Variants in ADAMTS2 observed in about 807,000 individuals in gnomAD.
ADAMTS2 encodes ADAM metallopeptidase with thrombospondin type 1 motif 2.
ADAMTS2 carries 50 observed loss-of-function variants against 123.0 expected under a neutral mutation model. That is an observed-to-expected ratio of 0.41 (90% CI 0.32 to 0.51). ADAMTS2 has a LOEUF of 0.51. Ranked by LOEUF, ADAMTS2 falls within the 20% of genes least tolerant of loss-of-function variation. The probability of loss-of-function intolerance (pLI) is 0.35; values close to 1 mark genes in which losing one functional copy is unlikely to be tolerated. For synonymous variants in ADAMTS2, 678 were observed against 695.4 expected (o/e 0.98, Z 0.39); for missense variants, 1,494 against 1,705.2 (o/e 0.88, Z 2.18).
intron 4 of ADAMTS2, among the ~76,000 whole-genome samples, chr5:179,203,203 C>A (rs922672306): frequency 5.9e-5 from 9 of 152,224 alleles, no homozygotes; most frequent in African/African-American, 2.2e-4. Flanking sequence ...AGGGCCCCCA[C>A]CAGCTCCTCC....
intron 17 of ADAMTS2, among the ~76,000 whole-genome samples, chr5:179,127,185 G>A (rs1762875151): frequency 6.6e-6 from 1 of 152,186 alleles, no homozygotes; most frequent in African/African-American, 2.4e-5. Flanking sequence ...GAATGGCCAG[G>A]AAGATGGGAA....
Position 179,241,452 on chromosome 5 carries a change from G to A in ADAMTS2, c.688+31459C>T, listed in dbSNP as rs532054272. ...GCTTCCACGTCCAGCAAAACGAGGC[G>A]AGTTCGGGTTGTTATTCTGCTCTTT... On this transcript the variant is annotated intron_variant, in intron 3 of 21. Transcript: ENST00000251582. Among the ~76,000 whole-genome samples, 177 of 152,310 alleles carry A rather than the reference G, an allele frequency of 1.2e-3. 3 individuals are homozygous for A. The highest frequency in any genetic ancestry group is 3.4e-3 in the Middle Eastern group (1 of 294).
chr5:179,231,010 CA>C (rs1293077149), intron 3 of ADAMTS2, among the ~76,000 whole-genome samples: 68 of 136,288 alleles, frequency 5.0e-4, no homozygotes, highest in South Asian at 8.1e-4. Flanking sequence ...AACTCAGTCT[CA>C]AAAAAAAAAA....
At chr5:179,284,855 C>G (rs1362519567) in intron 2 of ADAMTS2, among the ~76,000 whole-genome samples, 1 of 152,214 alleles carries the variant, frequency 6.6e-6, no homozygotes, top group East Asian at 1.9e-4. Context: ...GCAGCATGAC[C>G]TCCTTACGTA....
chr5:179,276,083 C>A (rs74472167), intron 2 of ADAMTS2, among the ~76,000 whole-genome samples: 22 of 152,212 alleles, frequency 1.4e-4, no homozygotes, highest in African/African-American at 4.6e-4. Context: ...GCAGGCCCCA[C>A]GCTTCTGACT....
chr5:179,137,813 T>C lies in ADAMTS2; in HGVS notation c.1907A>G (p.His636Arg). 8 of 1,580,338 alleles carry C rather than the reference T, an allele frequency of 5.1e-6. No homozygotes were observed. The highest frequency in any genetic ancestry group is 6.9e-6 in the Non-Finnish European group (8 of 1,165,072). Residue 636 changes from histidine (H) to arginine (R), a missense_variant, in exon 12 of 22, where the codon CAC becomes CGC. His to Arg is a conservative substitution (Grantham distance 29, BLOSUM62 0). Transcript: ENST00000251582. The part of the protein sequence containing the change: ...QCRQWDLYFE[H>R]GDAQHHWLPH... ...CAGCCAGTGGTGCTGGGCGTCGCCG[T>C]GCTCGAAGTACAGGTCCCACTGGCG... is the stretch of plus-strand genomic sequence containing the variant.
At chr5:179,265,138 A>G (rs1588254) in intron 3 of ADAMTS2, among the ~76,000 whole-genome samples, 27,267 of 152,176 alleles carry the variant, frequency 0.18, 3,038 homozygotes, top group East Asian at 0.37. Flanking sequence ...GCTCCTCAGA[A>G]CCACTGGCCG....
intron 2 of ADAMTS2, among the ~76,000 whole-genome samples, chr5:179,306,222 A>G (rs1756668646): frequency 6.6e-6 from 1 of 152,138 alleles, no homozygotes; most frequent in Admixed American, 6.5e-5. Context: ...CCTCAGCAAA[A>G]CACTGGCAAG....
At position 179,180,447 on chromosome 5, in the gene ADAMTS2, TC is replaced by T. The variant is rs2113310554; in HGVS notation, c.975+624del. 6.6e-6 allele frequency among the ~76,000 whole-genome samples: 1 copy of T among 152,298 alleles called. No individual in the cohort carries two copies. Among genetic ancestry groups the T allele is most frequent in the Non-Finnish European group, 1.5e-5 (1 of 68,024 alleles). ...ACCACGTGTTTCTGATGCTTTGACA[TC>T]CGAGCCTTGCTGACTCTGGAGGGAC... On this transcript the variant is annotated intron_variant, in intron 5 of 21. Coordinates refer to ENST00000251582, the MANE Select transcript of ADAMTS2 (RefSeq NM_014244.5). This position sits in a 1 kb window ranked among gnomAD's most constrained non-coding sequence, Gnocchi z 4.6.
At position 179,290,504 on chromosome 5, in the gene ADAMTS2, C is replaced by T. The variant is rs138784718; in HGVS notation, c.535-17440G>A. On this transcript the variant is annotated intron_variant, in intron 2 of 21. Coordinates refer to ENST00000251582, the MANE Select transcript of ADAMTS2 (RefSeq NM_014244.5). The stretch of plus-strand genomic sequence containing the variant: ...AAAACTAAGACACTAAGTACCAACG[C>T]TTAGTATCAACCTACAAAGTTCCTG... Among the ~76,000 whole-genome samples, 214 of 152,310 alleles carry T rather than the reference C, an allele frequency of 1.4e-3. 1 individual carries two copies. Among genetic ancestry groups the T allele is most frequent in the African/African-American group, 4.7e-3 (194 of 41,550 alleles).
intron 10 of ADAMTS2, among the ~76,000 whole-genome samples, chr5:179,141,922 AG>A (rs1182953752): frequency 1.3e-5 from 2 of 152,056 alleles, no homozygotes; most frequent in African/African-American, 4.8e-5. Context: ...GATTGCTTAT[AG>A]GGTAGAGGTT....
chr5:179,309,488 TGGG>T (rs1428334119), intron 2 of ADAMTS2, among the ~76,000 whole-genome samples: 1 of 152,030 alleles, frequency 6.6e-6, no homozygotes, highest in East Asian at 1.9e-4. Flanking sequence ...TGCAGAAAGC[TGGG>T]GCTGACTGTA....
chr5:179,173,408 C>T (rs893047468), intron 5 of ADAMTS2, among the ~76,000 whole-genome samples: 6 of 152,044 alleles, frequency 3.9e-5, no homozygotes, highest in Admixed American at 6.5e-5. Flanking sequence ...TGAGATCATA[C>T]GGAAAACTGA....
At chr5:179,140,145 G>A in intron 10 of ADAMTS2, 110 bp from the exon 11 acceptor site, 1 of 1,528,166 alleles carries the variant, frequency 6.5e-7, no homozygotes, top group South Asian at 1.1e-5. Context: ...CCACTCTGGG[G>A]CACAGGGGGA....
intron 2 of ADAMTS2, among the ~76,000 whole-genome samples, chr5:179,295,585 G>C (rs1361274366): frequency 6.6e-6 from 1 of 152,164 alleles, no homozygotes; most frequent in Non-Finnish European, 1.5e-5. Flanking sequence ...CCATCTCTAG[G>C]GTTTGGGATG....
rs529923576 is a variant in ADAMTS2, at chr5:179,238,448, G to A, written c.689-30733C>T. On this transcript the variant is annotated intron_variant, in intron 3 of 21. Transcript: ENST00000251582. ...TATGCCGGAGGGCAGTGAGTGCTGC[G>A]GGAAGGGGCTGGAGGGCACAGGGTC... Among the ~76,000 whole-genome samples the A allele has an allele frequency of 1.2e-4, 18 of 152,254 alleles. No homozygotes were observed. The South Asian group carries it at 2.3e-3, about 19-fold the overall frequency.
chr5:179,170,254 G>A lies in ADAMTS2; in HGVS notation c.975+10818C>T, dbSNP rs899525543. 1.3e-5 allele frequency among the ~76,000 whole-genome samples: 2 copies of A among 152,182 alleles called. No individual in the cohort carries two copies. Among genetic ancestry groups the A allele is most frequent in the Non-Finnish European group, 2.9e-5 (2 of 68,042 alleles). On this transcript the variant is annotated intron_variant, in intron 5 of 21. Coordinates refer to ENST00000251582, the MANE Select transcript of ADAMTS2 (RefSeq NM_014244.5). This position sits in a 1 kb window ranked among gnomAD's most constrained non-coding sequence, Gnocchi z 4.3. The stretch of plus-strand genomic sequence containing the variant: ...CCCACTGGAGCCTGGTGAGGCCTGG[G>A]GGACAGGCAATGGGGGAGCGGCAGG...
In ADAMTS2 at chr5:179,144,256, TTACAA is replaced by T. The variant is rs146715924; in HGVS notation, c.1630-4226_1630-4222del. 2.0e-5 allele frequency among the ~76,000 whole-genome samples: 3 copies of T among 152,280 alleles called. No homozygotes were observed. The East Asian group carries it at 5.8e-4, about 29-fold the overall frequency. ...GAATGCAAAACGTGTCCACTAAAAATTACAATACATCATTGAAAGAAGTTCAAGTT... is the reference window on the plus strand; with the variant it reads ...GAATGCAAAACGTGTCCACTAAAAATTACATCATTGAAAGAAGTTCAAGTT... On this transcript the variant is annotated intron_variant, in intron 10 of 21. Coordinates refer to ENST00000251582, the MANE Select transcript of ADAMTS2 (RefSeq NM_014244.5).
At chr5:179,326,780 C>T (rs1468837450) in intron 2 of ADAMTS2, among the ~76,000 whole-genome samples, 1 of 152,110 alleles carries the variant, frequency 6.6e-6, no homozygotes, top group East Asian at 1.9e-4. Flanking sequence ...GAAAACCAAG[C>T]CCACGTGTTG....
Sources: gnomAD v4.1 joint callset for allele counts (sites outside exome capture counted in the v4.1 genomes callset) on GRCh38, gnomAD v4.1.1 for gene constraint, Gnocchi (gnomAD v3.1) non-coding constraint, MANE v1.5 for transcripts, NCBI Gene and HGNC (gene_info 2026-07-23, HGNC 2026-07-21) for gene names.